Variants in GPC3 observed in about 807,000 individuals in gnomAD.
The protein encoded by GPC3 is glypican 3.
GPC3 carries 3 observed loss-of-function variants against 34.4 expected under a neutral mutation model. The observed-to-expected ratio is 0.09, with a 90% CI of 0.04 to 0.23. GPC3 has a LOEUF of 0.23. GPC3 is among the 10% of genes least tolerant of loss of function. The pLI, the probability that GPC3 is intolerant of heterozygous loss-of-function variation, is 1.00. For missense variants in GPC3, 351 were observed against 445.6 expected, an observed-to-expected ratio of 0.79 and a Z score of 1.91; for synonymous variants, 177 against 174.0, an observed-to-expected ratio of 1.02 and a Z score of -0.13.
chrX:133,766,953 A>T (rs73564957), intron 2 of GPC3, among the ~76,000 whole-genome samples: 2,800 of 112,082 alleles, frequency 0.025, 92 homozygotes, highest in African/African-American at 0.085. Flanking sequence ...CTGTGAGGTG[A>T]GTATAGTATT....
intron 2 of GPC3, among the ~76,000 whole-genome samples, chrX:133,911,494 C>T (rs1224340263): frequency 9.0e-6 from 1 of 111,680 alleles, no homozygotes; most frequent in Non-Finnish European, 1.9e-5. Context: ...AGACAAGTCA[C>T]CAAAGGCTAA....
At chrX:133,671,154 T>A in intron 5 of GPC3, 1 of 1,065,796 alleles carries the variant, frequency 9.4e-7, no homozygotes, top group African/African-American at 1.8e-5. Context: ...GTCATCTTTG[T>A]ATTTGGATTC....
chrX:133,862,549 G>T lies in GPC3; in HGVS notation c.337+90501C>A, dbSNP rs941531121. On this transcript the variant is annotated intron_variant, in intron 2 of 7. Transcript: ENST00000370818. ...CAAAAAAAAAAAAAAAATCAGCTGG[G>T]CGTGGTGATGGGCACCTGTAGTCCC... Among the ~76,000 whole-genome samples, 3 of 109,015 alleles carry T rather than the reference G, an allele frequency of 2.8e-5. No homozygotes were observed. In the South Asian group the frequency reaches 1.2e-3, roughly 44 times the overall value. The allele number at this position is 109,015 out of a possible 115,157, so 94.7% of individuals were successfully genotyped here.
In GPC3 at chrX:133,880,380, C is replaced by CCCTG. The variant is rs2076036463; in HGVS notation, c.337+72666_337+72669dup. On this transcript the variant is annotated intron_variant, in intron 2 of 7. Transcript: ENST00000370818. ...CTACTGCCTCAGAAATGTGAACCTA[C>CCCTG]CCTGGCAAGTTACCAAACACAATGG... 2.7e-5 allele frequency among the ~76,000 whole-genome samples: 3 copies of CCCTG among 111,885 alleles called. No individual in the cohort carries two copies. The Admixed American group carries it at 2.9e-4, about 11-fold the overall frequency.
intron 3 of GPC3, among the ~76,000 whole-genome samples, chrX:133,726,070 A>C (rs909518835): frequency 2.7e-5 from 3 of 112,193 alleles, no homozygotes; most frequent in African/African-American, 9.7e-5. Flanking sequence ...CTTGGTGCTA[A>C]GAAATATCGC....
At chrX:133,718,896 A>C (rs1021070178) in intron 3 of GPC3, among the ~76,000 whole-genome samples, 1 of 112,034 alleles carries the variant, frequency 8.9e-6, no homozygotes, top group East Asian at 2.8e-4. Flanking sequence ...TCTATCAGGA[A>C]GATAGAATAA....
In GPC3 at chrX:133,670,623, A is replaced by T. The variant is rs752682741; in HGVS notation, c.1293-8773T>A. Among the ~76,000 whole-genome samples, 3 of 112,179 alleles carry T rather than the reference A, an allele frequency of 2.7e-5. No homozygotes were observed. In the South Asian group the frequency reaches 1.1e-3, roughly 42 times the overall value. The stretch of plus-strand genomic sequence containing the variant: ...ATGGACACGATTCAGTATTGCATGT[A>T]ATCCCTAACTCAGTGATTTATCTGT... On this transcript the variant is annotated intron_variant, in intron 5 of 7. Coordinates refer to ENST00000370818, the MANE Select transcript of GPC3 (RefSeq NM_004484.4).
rs1006842640 is a variant in GPC3, at chrX:133,657,557, T to C, written c.1413+4173A>G. 4.5e-5 allele frequency among the ~76,000 whole-genome samples: 5 copies of C among 110,508 alleles called. No individual in the cohort carries two copies. In the Admixed American group the frequency reaches 4.8e-4, roughly 11 times the overall value. ...CACAAATTAGAAACTGAAAAGGAAA[T>C]AAAAAGGTCCTCATTTCTGATCGTG... On this transcript the variant is annotated intron_variant, in intron 6 of 7. Coordinates refer to ENST00000370818, the MANE Select transcript of GPC3 (RefSeq NM_004484.4).
At position 133,571,432 on chromosome X, in the gene GPC3, G is replaced by A. The variant is rs997605914; in HGVS notation, c.1573+25008C>T. Among the ~76,000 whole-genome samples the A allele has an allele frequency of 4.5e-5, 5 of 110,220 alleles. No individual in the cohort carries two copies. The East Asian group carries it at 1.1e-3, about 25-fold the overall frequency. ...GGCTGGAGTGCAGTGGCGCGATCTC[G>A]GCTCACTGCAAGCTCCGCCTCTGGG... On this transcript the variant is annotated intron_variant, in intron 7 of 7. Coordinates refer to ENST00000370818, the MANE Select transcript of GPC3 (RefSeq NM_004484.4).
At chrX:133,692,286 A>G in intron 5 of GPC3, 83 bp downstream of exon 5, 3 of 994,988 alleles carry the variant, frequency 3.0e-6, no homozygotes, top group Non-Finnish European at 4.3e-6. Flanking sequence ...ATTAATGGAG[A>G]TAGAAGACAT....
At chrX:133,770,716 C>A (rs1339297007) in intron 2 of GPC3, among the ~76,000 whole-genome samples, 1 of 111,930 alleles carries the variant, frequency 8.9e-6, no homozygotes, top group Non-Finnish European at 1.9e-5. Context: ...TCTTTATTTG[C>A]ACAAGACCAA....
chrX:133,866,044 T>C (rs1277647205), intron 2 of GPC3, among the ~76,000 whole-genome samples: 2 of 112,230 alleles, frequency 1.8e-5, no homozygotes, highest in Non-Finnish European at 3.8e-5. Flanking sequence ...CAATATCTGG[T>C]ATTTCCAGAC....
chrX:133,846,260 C>T (rs1347583414), intron 2 of GPC3, among the ~76,000 whole-genome samples: 3 of 112,004 alleles, frequency 2.7e-5, no homozygotes, highest in African/African-American at 9.7e-5. Context: ...GGTTCAACTT[C>T]TTTCTTTTTA....
chrX:133,622,007 C>T (rs1346752433), intron 6 of GPC3, among the ~76,000 whole-genome samples: 2 of 112,103 alleles, frequency 1.8e-5, no homozygotes, highest in African/African-American at 3.2e-5. Flanking sequence ...ATTTGCTGTT[C>T]TGCAGCCTCT....
intron 7 of GPC3, among the ~76,000 whole-genome samples, chrX:133,546,398 TAAA>T (rs760427156): frequency 1.4e-4 from 14 of 98,409 alleles, no homozygotes; most frequent in South Asian, 4.4e-4. Context: ...TAGCCAAGAT[TAAA>T]AAAAAAAAAC....
At chrX:133,750,038 A>C (rs1306522474) in intron 3 of GPC3, among the ~76,000 whole-genome samples, 1 of 111,487 alleles carries the variant, frequency 9.0e-6, no homozygotes, top group African/African-American at 3.3e-5. Flanking sequence ...CAGAGTTTAC[A>C]TATGTTTTCT....
At chrX:133,966,514 C>T (rs757977840) in intron 1 of GPC3, among the ~76,000 whole-genome samples, 4 of 112,259 alleles carry the variant, frequency 3.6e-5, no homozygotes, top group Admixed American at 2.8e-4. Context: ...CAAGCCATTG[C>T]GCCTTGTAAT....
chrX:133,770,876 T>C (rs2071910507), intron 2 of GPC3, among the ~76,000 whole-genome samples: 1 of 111,883 alleles, frequency 8.9e-6, no homozygotes, highest in Non-Finnish European at 1.9e-5. Context: ...AGTTTCACCC[T>C]CAATATCTCA....
At chrX:133,712,419 G>A (rs1344632857) in intron 3 of GPC3, among the ~76,000 whole-genome samples, 1 of 111,912 alleles carries the variant, frequency 8.9e-6, no homozygotes, top group Non-Finnish European at 1.9e-5. Flanking sequence ...GGAGTTTAAA[G>A]AAAATGAAAT....
Sources: allele counts gnomAD v4.1 joint callset (sites outside exome capture counted in the v4.1 genomes callset), GRCh38; gene constraint gnomAD v4.1.1; transcripts MANE v1.5; gene names NCBI Gene and HGNC (gene_info 2026-07-23, HGNC 2026-07-21).